The following PLCB4 variants were observed in gnomAD, a reference collection of about 807,000 sequenced individuals.
PLCB4 encodes phospholipase C beta 4.
Under a neutral mutation model 178.8 loss-of-function variants are expected in PLCB4, and 77 were observed. That is an observed-to-expected ratio of 0.43 (90% CI 0.36 to 0.52). The LOEUF is 0.52. PLCB4 is among the 20% of genes least tolerant of loss of function. The pLI is 0.00. For missense variants in PLCB4, 1,024 were observed against 1,453.4 expected (o/e 0.70, Z 4.80); for synonymous variants, 496 against 490.8 (o/e 1.01, Z -0.14).
chr20:9,092,193 T>A (rs1308469438), intron 1 of PLCB4, among the ~76,000 whole-genome samples: 2 of 152,212 alleles, frequency 1.3e-5, no homozygotes, highest in African/African-American at 4.8e-5. Flanking sequence ...GTTAAGACTG[T>A]CTTAACTTAG....
At chr20:9,205,694 T>C (rs1398608578) in intron 2 of PLCB4, among the ~76,000 whole-genome samples, 2 of 152,182 alleles carry the variant, frequency 1.3e-5, no homozygotes, top group Non-Finnish European at 2.9e-5. Context: ...TTAATCACCT[T>C]TGTAAATTCA....
At chr20:9,142,007 A>G (rs2092502763) in intron 2 of PLCB4, among the ~76,000 whole-genome samples, 1 of 152,114 alleles carries the variant, frequency 6.6e-6, no homozygotes, top group South Asian at 2.1e-4. Flanking sequence ...GTGGAGGGCT[A>G]TGGCAAGCCA....
intron 2 of PLCB4, among the ~76,000 whole-genome samples, chr20:9,106,862 C>T (rs1439436048): frequency 3.3e-5 from 5 of 152,144 alleles, no homozygotes; most frequent in Admixed American, 3.3e-4. Context: ...TTTATCCTAA[C>T]ATCTTTGGTG....
At chr20:9,251,948 A>G (rs982664447) in intron 3 of PLCB4, among the ~76,000 whole-genome samples, 7 of 152,166 alleles carry the variant, frequency 4.6e-5, no homozygotes, top group African/African-American at 1.7e-4. Flanking sequence ...TCAGCGAGAT[A>G]TTTTATAATC....
rs565275498 is a variant in PLCB4, at chr20:9,139,546, A to G, written c.-79+43204A>G. Among the ~76,000 whole-genome samples, 17 of 152,166 alleles carry G rather than the reference A, an allele frequency of 1.1e-4. No homozygotes were observed. In the South Asian group the frequency reaches 3.5e-3, roughly 32 times the overall value. On this transcript the variant is annotated intron_variant, in intron 2 of 39. Coordinates refer to ENST00000378473, the MANE Select transcript of PLCB4 (RefSeq NM_001377142.1). ...AGCTGGCTTCCAAGAGGGAGCTTATAGATGTGCAAAAGTGGAAGTTGCCAG... is the reference window on the plus strand; with the variant it reads ...AGCTGGCTTCCAAGAGGGAGCTTATGGATGTGCAAAAGTGGAAGTTGCCAG...
At chr20:9,353,640 T>C (rs1465798649) in intron 7 of PLCB4, among the ~76,000 whole-genome samples, 2 of 152,226 alleles carry the variant, frequency 1.3e-5, no homozygotes, top group Non-Finnish European at 2.9e-5. Context: ...CATCAGCTTC[T>C]CCACTCTCCA....
chr20:9,371,237 GA>G lies in PLCB4; in HGVS notation c.532del (p.Thr178GlnfsTer4). On this transcript the variant is annotated frameshift_variant, in exon 10 of 40. Transcript: ENST00000378473. LOFTEE classifies it high-confidence loss of function. Reference sequence around the variant, plus strand: ...AGTATTACTAGAACATTTGCATCGGGAAAAACAGAAAAGGTGATCTTTCAAG... The same window carrying G: ...AGTATTACTAGAACATTTGCATCGGGAAAACAGAAAAGGTGATCTTTCAAG... ...VRSITRTFASGKTEKVIFQAL... is the reference protein window; with the variant it reads ...VRSITRTFASXKTEKVIFQAL... The G allele has an allele frequency of 6.2e-7, 1 of 1,609,052 alleles. No individual in the cohort carries two copies. The highest frequency in any genetic ancestry group is 8.5e-7 in the Non-Finnish European group (1 of 1,175,400).
At chr20:9,214,916 A>T (rs922559347) in intron 2 of PLCB4, among the ~76,000 whole-genome samples, 2 of 152,208 alleles carry the variant, frequency 1.3e-5, no homozygotes, top group Non-Finnish European at 2.9e-5. Context: ...AGTTTATGTT[A>T]GATAGTTGCT....
At chr20:9,096,848 A>G (rs1245178214) in intron 2 of PLCB4, among the ~76,000 whole-genome samples, 1 of 152,078 alleles carries the variant, frequency 6.6e-6, no homozygotes, top group Non-Finnish European at 1.5e-5. Flanking sequence ...GGTGTACGGT[A>G]TCTTTTTGTA....
rs71330246 is a variant in PLCB4, at chr20:9,188,883, T to C, written c.-78-28507T>C. Among the ~76,000 whole-genome samples, 522 of 62,982 alleles carry C rather than the reference T, an allele frequency of 8.3e-3. 32 individuals are homozygous for C. Among genetic ancestry groups the C allele is most frequent in the African/African-American group, 0.037 (345 of 9,394 alleles). 41.3% of individuals were successfully genotyped at this position (62,982 alleles called of 152,430 possible). A position where few individuals can be genotyped will look rare whatever the true frequency, so the allele number is the denominator to read the frequency against. On this transcript the variant is annotated intron_variant, in intron 2 of 39. Coordinates refer to ENST00000378473, the MANE Select transcript of PLCB4 (RefSeq NM_001377142.1). ...TATAGTGACATTCTGGGTTGGTTAA[T>C]TGTTCATTGTGGAGGGCTGTCATAT...
At chr20:9,100,115 G>A (rs1300342933) in intron 2 of PLCB4, among the ~76,000 whole-genome samples, 4 of 152,166 alleles carry the variant, frequency 2.6e-5, no homozygotes, top group South Asian at 2.1e-4. Flanking sequence ...GGGCTCTGGC[G>A]AGATGACTTA....
chr20:9,356,261 G>T (rs532875616), intron 7 of PLCB4, among the ~76,000 whole-genome samples: 2 of 152,072 alleles, frequency 1.3e-5, no homozygotes, highest in African/African-American at 4.8e-5. Flanking sequence ...CACTCTGATG[G>T]TAGTTTCTTT....
At chr20:9,186,183 C>G (rs2093326108) in intron 2 of PLCB4, among the ~76,000 whole-genome samples, 1 of 152,068 alleles carries the variant, frequency 6.6e-6, no homozygotes, top group Non-Finnish European at 1.5e-5. Context: ...ACCTTGGATG[C>G]CTGTTTTAAA....
chr20:9,407,073 A>G (rs2039494891), intron 21 of PLCB4, among the ~76,000 whole-genome samples: 1 of 152,194 alleles, frequency 6.6e-6, no homozygotes, highest in Admixed American at 6.5e-5. Context: ...AATACTATAA[A>G]CCACGTATGT....
Position 9,087,999 on chromosome 20 carries a change from G to T in PLCB4, c.-134-8288G>T, listed in dbSNP as rs983626699. Among the ~76,000 whole-genome samples the T allele has an allele frequency of 3.3e-5, 5 of 152,168 alleles. 1 individual carries two copies. In the South Asian group the frequency reaches 1.0e-3, roughly 32 times the overall value. ...TCTCATCTTAACACCATCAGACCCC[G>T]AGGGCACAGCCTGCTTCTACTTCTA... is the stretch of plus-strand genomic sequence containing the variant. On this transcript the variant is annotated intron_variant, in intron 1 of 39. Transcript: ENST00000378473.
intron 2 of PLCB4, among the ~76,000 whole-genome samples, chr20:9,117,566 C>T (rs1241461351): frequency 2.0e-5 from 3 of 152,164 alleles, no homozygotes; most frequent in African/African-American, 7.2e-5. Context: ...GTGTGATTCC[C>T]CTGCTGAAAA....
intron 2 of PLCB4, among the ~76,000 whole-genome samples, chr20:9,120,335 G>T (rs1271004571): frequency 6.6e-6 from 1 of 151,918 alleles, no homozygotes; most frequent in African/African-American, 2.4e-5. Context: ...CCCTTGACAC[G>T]CTCCTTTTCT....
chr20:9,320,969 T>G (rs2094953248), intron 4 of PLCB4, among the ~76,000 whole-genome samples: 1 of 152,142 alleles, frequency 6.6e-6, no homozygotes, highest in African/African-American at 2.4e-5. Context: ...TAGGGAAAGG[T>G]AAGGAATTGT....
At chr20:9,208,193 CA>C (rs1330569812) in intron 2 of PLCB4, among the ~76,000 whole-genome samples, 3 of 152,206 alleles carry the variant, frequency 2.0e-5, no homozygotes, top group Non-Finnish European at 4.4e-5. Context: ...GCCAGTGCAT[CA>C]GGGGTGAATT....
Sources: gnomAD v4.1 joint callset for allele counts (sites outside exome capture counted in the v4.1 genomes callset) on GRCh38, gnomAD v4.1.1 for gene constraint, MANE v1.5 for transcripts, NCBI Gene and HGNC (gene_info 2026-07-23, HGNC 2026-07-21) for gene names.